Variants in ACSL6 observed in about 807,000 individuals in gnomAD.
ACSL6 encodes long-chain-fatty-acid--CoA ligase 6.
ACSL6 carries 47 observed loss-of-function variants against 98.2 expected under a neutral mutation model. The ratio of observed to expected loss-of-function variants is 0.48; its 90% CI spans 0.38 to 0.61. The LOEUF (loss-of-function observed/expected upper bound fraction) is 0.61, where lower values mean the gene tolerates loss of function less well. Ranked by LOEUF, ACSL6 falls within the 20% of genes least tolerant of loss-of-function variation. The pLI, the probability that ACSL6 is intolerant of heterozygous loss-of-function variation, is 0.00. For missense variants in ACSL6, 761 were observed against 913.4 expected (o/e 0.83, Z 2.15); for synonymous variants, 362 against 336.9 (o/e 1.07, Z -0.82).
At chr5:131,985,013 C>A (rs1056589504) in intron 9 of ACSL6, 6 of 240,770 alleles carry the variant, frequency 2.5e-5, no homozygotes, top group Non-Finnish European at 5.2e-5. Context: ...GGCTCTCAGA[C>A]GCCAAACCTC....
chr5:131,989,587 T>TAA, intron 4 of ACSL6, 79 bp from the exon 5 acceptor site: 1 of 111,484 alleles, frequency 9.0e-6, no homozygotes. Context: ...GGAATTCTTT[T>TAA]TTTTTTTTTT....
At chr5:131,960,394 T>A (rs1029366743) in intron 19 of ACSL6, 126 bp downstream of exon 19, 2 of 640,480 alleles carry the variant, frequency 3.1e-6, no homozygotes, top group African/African-American at 3.7e-5. Flanking sequence ...CCCCACTATA[T>A]ATAAAGTAAT....
intron 1 of ACSL6, among the ~76,000 whole-genome samples, chr5:132,004,743 C>T (rs1489495156): frequency 2.0e-5 from 3 of 152,186 alleles, no homozygotes; most frequent in Non-Finnish European, 4.4e-5. Flanking sequence ...GCACCCAAAT[C>T]CCCTACCAGC....
intron 12 of ACSL6, 132 bp from the exon 13 acceptor site, chr5:131,972,990 ATG>A: frequency 3.1e-6 from 4 of 1,288,752 alleles, no homozygotes; most frequent in Non-Finnish European, 4.3e-6. Context: ...AGGTCACTGA[ATG>A]TGTGACATTG....
At chr5:132,003,765 T>C (rs1474959469) in intron 1 of ACSL6, 2 of 152,160 alleles carry the variant, frequency 1.3e-5, no homozygotes, top group Non-Finnish European at 2.9e-5. Flanking sequence ...CCCATCATCT[T>C]TGGAGACGGA....
intron 8 of ACSL6, 66 bp downstream of exon 8, chr5:131,986,756 G>T: frequency 6.4e-7 from 1 of 1,570,708 alleles, no homozygotes; most frequent in Non-Finnish European, 8.8e-7. Flanking sequence ...CACAGTGAGG[G>T]ACTCTGTGAG....
At chr5:132,006,174 G>A (rs901238033) in intron 1 of ACSL6, 1 of 152,224 alleles carries the variant, frequency 6.6e-6, no homozygotes. Flanking sequence ...GGGAAGAGCT[G>A]GCAAATAGGG....
chr5:131,963,441 A>G (rs770146753), intron 17 of ACSL6, among the ~76,000 whole-genome samples: 1 of 152,234 alleles, frequency 6.6e-6, no homozygotes, highest in African/African-American at 2.4e-5. Context: ...AGTCAGTTCA[A>G]GCTTCCAGCT....
In ACSL6 at chr5:131,966,620, G is replaced by T. The variant is rs987427573; in HGVS notation, c.1597-88C>A. 4 of 1,152,190 alleles carry T rather than the reference G, an allele frequency of 3.5e-6. No individual in the cohort carries two copies. In the South Asian group the frequency reaches 3.7e-5, roughly 11 times the overall value. The allele number at this position is 1,152,190 out of a possible 1,614,324, so 71.4% of individuals were successfully genotyped here. A position where few individuals can be genotyped will look rare whatever the true frequency, so the allele number is the denominator to read the frequency against. On this transcript the variant is annotated intron_variant, in intron 16 of 20. Transcript: ENST00000651883. ...GTCACCAGGCATACGGAGATAAGGTGCACTACCCATCAGGAAAGCCACTGT... is the reference window on the plus strand; with the variant it reads ...GTCACCAGGCATACGGAGATAAGGTTCACTACCCATCAGGAAAGCCACTGT...
chr5:131,982,221 G>T (rs1360933440), intron 9 of ACSL6: 3 of 135,130 alleles, frequency 2.2e-5, no homozygotes, highest in African/African-American at 8.7e-5. Flanking sequence ...TCGGCTCACT[G>T]CAAGCTCTGC....
At chr5:132,010,827 G>C (rs1186806262) in intron 1 of ACSL6, among the ~76,000 whole-genome samples, 1 of 152,194 alleles carries the variant, frequency 6.6e-6, no homozygotes, top group Non-Finnish European at 1.5e-5. Flanking sequence ...GGGTGTATGG[G>C]GGGTTGAGGG....
At chr5:131,972,634 G>A (rs1407978971) in intron 13 of ACSL6, 90 bp downstream of exon 13, 27 of 1,409,222 alleles carry the variant, frequency 1.9e-5, no homozygotes. Context: ...CATGATTACA[G>A]GGCACTGGGA....
At chr5:131,970,288 G>T in intron 14 of ACSL6, 88 bp from the exon 15 acceptor site, 1 of 1,190,166 alleles carries the variant, frequency 8.4e-7, no homozygotes, top group Non-Finnish European at 1.2e-6. Flanking sequence ...ACCTCCCACT[G>T]AGCGTGTCTG....
In ACSL6 at chr5:131,988,872, A is replaced by G; in HGVS notation, c.585T>C (p.Tyr195=). Residue 195 remains tyrosine, a synonymous_variant, in exon 6 of 21, where the codon TAT becomes TAC. Transcript: ENST00000651883. The part of the protein sequence containing the change: ...WIIVELACYT[Y]SMVVVPLYDT... The stretch of plus-strand genomic sequence containing the variant: ...CATAGAGCGGGACCACCACCATGGA[A>G]TATGTGTAGCAGGCCAGCTCCACAA... 6.2e-7 allele frequency: 1 copy of G among 1,610,750 alleles called. No individual in the cohort carries two copies. Among genetic ancestry groups the G allele is most frequent in the Non-Finnish European group, 8.5e-7 (1 of 1,178,002 alleles).
rs778702340 is a variant in ACSL6 at position 131,994,268 on chromosome 5, T to C, written c.50-17A>G. 6.3e-7 allele frequency: 1 copy of C among 1,592,316 alleles called. No individual in the cohort carries two copies. Among genetic ancestry groups the C allele is most frequent in the Non-Finnish European group, 8.6e-7 (1 of 1,168,752 alleles). On this transcript the variant is annotated splice_polypyrimidine_tract_variant and intron_variant, in intron 1 of 20. Transcript: ENST00000651883. ...GGACAAACTCTGTTGAAAACAAGAGTCAGATAAGGCAAGAGACCTGACGGG... is the reference window on the plus strand; with the variant it reads ...GGACAAACTCTGTTGAAAACAAGAGCCAGATAAGGCAAGAGACCTGACGGG...
upstream of ACSL6, chr5:132,012,035 G>T: frequency 7.3e-7 from 1 of 1,367,704 alleles, no homozygotes. Flanking sequence ...CGCGCGACTC[G>T]CAGCCTGGGT....
rs1752187281 is a variant in ACSL6 at position 131,951,988 on chromosome 5, G to T, written c.*2246C>A. On this transcript the variant is annotated 3_prime_UTR_variant, in exon 21 of 21. Coordinates refer to ENST00000651883, the MANE Select transcript of ACSL6 (RefSeq NM_001009185.3). ...TTACATTACTTGTTTCTGTCACATT[G>T]TTCAAAATTCTTTTGGGCTTAAAGC... The T allele has an allele frequency of 5.6e-6, 1 of 177,614 alleles. No homozygotes were observed. Among genetic ancestry groups the T allele is most frequent in the African/African-American group, 2.4e-5 (1 of 42,280 alleles). The allele number at this position is 177,614 out of a possible 1,614,324, so 11.0% of individuals were successfully genotyped here. A position where few individuals can be genotyped will look rare whatever the true frequency, so the allele number is the denominator to read the frequency against.
chr5:131,975,853 C>T (rs1753587103), intron 10 of ACSL6: 3 of 985,364 alleles, frequency 3.0e-6, no homozygotes, highest in Non-Finnish European at 3.6e-6. Context: ...GGCTTTTGGG[C>T]CAGCTTGGGC....
chr5:131,969,528 A>C (rs531940492), intron 15 of ACSL6, among the ~76,000 whole-genome samples: 1 of 152,354 alleles, frequency 6.6e-6, no homozygotes, highest in South Asian at 2.1e-4. Flanking sequence ...CAAAAGAAGT[A>C]ATAGATCACA....
Sources: gnomAD v4.1 joint callset for allele counts (sites outside exome capture counted in the v4.1 genomes callset) on GRCh38, gnomAD v4.1.1 for gene constraint, MANE v1.5 for transcripts, NCBI Gene and HGNC (gene_info 2026-07-23, HGNC 2026-07-21) for gene names.